Variants in CHORDC1 observed in about 807,000 individuals in gnomAD.
CHORDC1 encodes the protein cysteine and histidine-rich domain-containing protein 1.
In CHORDC1, 25 loss-of-function variants were observed where a neutral mutation model predicts 48.3. That is an observed-to-expected ratio of 0.52 (90% CI 0.38 to 0.72). CHORDC1 has a LOEUF of 0.72. Ranked by LOEUF, CHORDC1 falls within the 30% of genes least tolerant of loss-of-function variation. CHORDC1 has a pLI of 0.00. For missense variants in CHORDC1, 317 were observed against 388.7 expected, an observed-to-expected ratio of 0.82 and a Z score of 1.55; for synonymous variants, 128 against 126.4, an observed-to-expected ratio of 1.01 and a Z score of -0.09.
Position 90,206,674 on chromosome 11 carries a change from C to G in CHORDC1, c.493-402G>C, listed in dbSNP as rs192081068. 2.5e-4 allele frequency: 165 copies of G among 648,628 alleles called. No individual in the cohort carries two copies. In the African/African-American group the frequency reaches 2.9e-3, roughly 11 times the overall value. The allele number at this position is 648,628 out of a possible 1,614,324, so 40.2% of individuals were successfully genotyped here. A position where few individuals can be genotyped will look rare whatever the true frequency, so the allele number is the denominator to read the frequency against. ...AGTATTGTCAAATAATATGAGAAAT[C>G]TAATAAGCAATTCTGGAAGTTCTAG... On this transcript the variant is annotated intron_variant, in intron 6 of 10. Coordinates refer to ENST00000320585, the MANE Select transcript of CHORDC1 (RefSeq NM_012124.3).
chr11:90,202,078 G>T lies in CHORDC1; in HGVS notation c.*327C>A. 5.3e-6 allele frequency: 1 copy of T among 189,072 alleles called. No homozygotes were observed. Among genetic ancestry groups the T allele is most frequent in the Non-Finnish European group, 1.1e-5 (1 of 92,952 alleles). 11.7% of individuals were successfully genotyped at this position (189,072 alleles called of 1,614,324 possible). A position where few individuals can be genotyped will look rare whatever the true frequency, so the allele number is the denominator to read the frequency against. ...AATAATACAAAAACATAAAAAAAAT[G>T]TTCCTTAATATTTCTTTGCTTAACA... On this transcript the variant is annotated 3_prime_UTR_variant, in exon 11 of 11. Coordinates refer to ENST00000320585, the MANE Select transcript of CHORDC1 (RefSeq NM_012124.3).
chr11:90,214,562 G>T (rs1857962175), intron 3 of CHORDC1, among the ~76,000 whole-genome samples: 1 of 151,822 alleles, frequency 6.6e-6, no homozygotes. Context: ...ATGACCTTAA[G>T]CAAGATAATC....
chr11:90,218,125 T>C lies in CHORDC1; in HGVS notation c.114+10A>G. Reference sequence around the variant, plus strand: ...CACAGATATGAAAAAAATGAAAATATAGTTCCTACCTTTAATGCATCGTGA... The same window carrying C: ...CACAGATATGAAAAAAATGAAAATACAGTTCCTACCTTTAATGCATCGTGA... On this transcript the variant is annotated intron_variant, in intron 2 of 10. Transcript: ENST00000320585. 6.4e-7 allele frequency: 1 copy of C among 1,555,438 alleles called. No individual in the cohort carries two copies. Among genetic ancestry groups the C allele is most frequent in the Non-Finnish European group, 8.7e-7 (1 of 1,152,140 alleles).
At chr11:90,204,763 A>C (rs1857629530) in intron 8 of CHORDC1, among the ~76,000 whole-genome samples, 1 of 152,080 alleles carries the variant, frequency 6.6e-6, no homozygotes, top group South Asian at 2.1e-4. Context: ...AAATATTGAA[A>C]TCTCTAAATT....
intron 1 of CHORDC1, among the ~76,000 whole-genome samples, chr11:90,220,364 T>A (rs1192965114): frequency 6.6e-6 from 1 of 152,178 alleles, no homozygotes; most frequent in Non-Finnish European, 1.5e-5. Flanking sequence ...ATCAGAAAGA[T>A]GTTATTAATT....
chr11:90,217,133 C>A (rs1297754029), intron 2 of CHORDC1, among the ~76,000 whole-genome samples: 1 of 152,188 alleles, frequency 6.6e-6, no homozygotes, highest in Non-Finnish European at 1.5e-5. Context: ...GTTTTCCTCA[C>A]TCAGAACTAA....
At position 90,208,233 on chromosome 11, in the gene CHORDC1, G is replaced by C. The variant is rs914876224; in HGVS notation, c.493-1961C>G. On this transcript the variant is annotated intron_variant, in intron 6 of 10. Coordinates refer to ENST00000320585, the MANE Select transcript of CHORDC1 (RefSeq NM_012124.3). ...GATCACCTGAGGTTCAGGAGTTTGA[G>C]ACCAGCCTGGCCAACATGGTGAAAC... 2 of 152,174 alleles carry C rather than the reference G, an allele frequency of 1.3e-5. 1 individual carries two copies. Among genetic ancestry groups the C allele is most frequent in the South Asian group, 4.1e-4 (2 of 4,824 alleles). 9.4% of individuals were successfully genotyped at this position (152,174 alleles called of 1,614,324 possible).
At position 90,210,512 on chromosome 11, in the gene CHORDC1, CATCACAA is replaced by C. The variant is rs770695352; in HGVS notation, c.492+17_492+23del. 6.7e-7 allele frequency: 1 copy of C among 1,486,836 alleles called. No homozygotes were observed. Among genetic ancestry groups the C allele is most frequent in the Admixed American group, 1.9e-5 (1 of 53,242 alleles). The allele number at this position is 1,486,836 out of a possible 1,614,324, so 92.1% of individuals were successfully genotyped here. On this transcript the variant is annotated intron_variant, in intron 6 of 10. Coordinates refer to ENST00000320585, the MANE Select transcript of CHORDC1 (RefSeq NM_012124.3). ...AAAATTAAAATTTTACTTCATAACACATCACAAATCTTGTGATATATACCTTTGAACA... is the reference window on the plus strand; with the variant it reads ...AAAATTAAAATTTTACTTCATAACACATCTTGTGATATATACCTTTGAACA...
rs751038194 is a variant in CHORDC1, at chr11:90,210,551, A to G, written c.477T>C (p.Asn159=). The change falls in exon 6 of 11, where the codon AAT becomes AAC. Residue 159 remains asparagine, a synonymous_variant. Coordinates refer to ENST00000320585, the MANE Select transcript of CHORDC1 (RefSeq NM_012124.3). ...TGATATATACCTTTGAACACCCTCC[A>G]TTCTTACATGAGGTCCCAATCTTAA... ...DEIKIGTSCK[N]GGCSKTYQGL... is the part of the protein sequence containing the mutation. 14 of 1,591,112 alleles carry G rather than the reference A, an allele frequency of 8.8e-6. No individual in the cohort carries two copies. The highest frequency in any genetic ancestry group is 1.2e-5 in the Non-Finnish European group (14 of 1,161,340).
At chr11:90,211,166 C>T in intron 5 of CHORDC1, 49 bp downstream of exon 5, 1 of 1,284,200 alleles carries the variant, frequency 7.8e-7, no homozygotes, top group South Asian at 1.2e-5. Flanking sequence ...TGGATAACTG[C>T]TTAACTGTAC....
chr11:90,219,711 T>C (rs563046000), intron 1 of CHORDC1, among the ~76,000 whole-genome samples: 18 of 152,352 alleles, frequency 1.2e-4, no homozygotes, highest in Admixed American at 9.8e-4. Flanking sequence ...TTGGAGGCTC[T>C]CAGCTCTAAG....
intron 8 of CHORDC1, among the ~76,000 whole-genome samples, chr11:90,204,440 G>T (rs574188337): frequency 6.6e-6 from 1 of 152,230 alleles, no homozygotes; most frequent in Non-Finnish European, 1.5e-5. Context: ...AGCAACTAGG[G>T]CCAGGCGCGG....
chr11:90,219,453 C>G (rs890490922), intron 1 of CHORDC1, among the ~76,000 whole-genome samples: 7 of 152,156 alleles, frequency 4.6e-5, no homozygotes, highest in African/African-American at 1.7e-4. Flanking sequence ...AACTGGCCAT[C>G]AACAAAATCT....
chr11:90,213,480 G>T, intron 4 of CHORDC1: 1 of 665,814 alleles, frequency 1.5e-6, no homozygotes, highest in Admixed American at 2.4e-5. Context: ...GTTATCAGAA[G>T]GCAAGTATGA....
In CHORDC1 at chr11:90,214,149, A is replaced by G; in HGVS notation, c.198T>C (p.Ser66=). Residue 66 remains serine (S), a synonymous_variant, in exon 4 of 11, where the codon AGT becomes AGC. Transcript: ENST00000320585. ...IVGCTKGRHN[S]EKPPEPVKPE... is the part of the protein sequence containing the mutation. ...GTTTGACTGGCTCAGGTGGCTTCTC[A>G]CTATTATGTCTACCTTTTGTACAGC... The G allele has an allele frequency of 1.9e-6, 3 of 1,612,624 alleles. No homozygotes were observed. Among genetic ancestry groups the G allele is most frequent in the Non-Finnish European group, 2.5e-6 (3 of 1,179,052 alleles).
chr11:90,208,719 A>G (rs562290301), intron 6 of CHORDC1: 1 of 152,336 alleles, frequency 6.6e-6, no homozygotes, highest in South Asian at 2.1e-4. Context: ...GAGAAAACAC[A>G]TAAGGAGTGC....
chr11:90,210,566 C>T lies in CHORDC1; in HGVS notation c.462G>A (p.Gly154=), dbSNP rs756668247. Residue 154 remains glycine, a synonymous_variant, in exon 6 of 11, where the codon GGG becomes GGA. Coordinates refer to ENST00000320585, the MANE Select transcript of CHORDC1 (RefSeq NM_012124.3). ...KEEDNDEIKI[G]TSCKNGGCSK... The stretch of plus-strand genomic sequence containing the variant: ...AACACCCTCCATTCTTACATGAGGT[C>T]CCAATCTTAATTTCATCATTGTCTT... The T allele has an allele frequency of 1.3e-6, 2 of 1,592,566 alleles. No homozygotes were observed.
chr11:90,214,051 G>A lies in CHORDC1; in HGVS notation c.296C>T (p.Ala99Val), dbSNP rs769754575. ...KPKFQEHIIQ[A>V]PKPVEAIKRP... ...TTTTATTGCTTCTACTGGCTTAGGG[G>A]CTTGAATGATGTGTTCCTGAAATTT... The change falls in exon 4 of 11, where the codon GCC becomes GTC. Residue 99 changes from alanine (A) to valine (V), a missense_variant. By Grantham distance (64) the Ala-to-Val change is moderately conservative. Coordinates refer to ENST00000320585, the MANE Select transcript of CHORDC1 (RefSeq NM_012124.3). The A allele has an allele frequency of 6.2e-7, 1 of 1,613,112 alleles. No homozygotes were observed. Among genetic ancestry groups the A allele is most frequent in the South Asian group, 1.1e-5 (1 of 90,996 alleles).
intron 6 of CHORDC1, chr11:90,207,470 AATG>A (rs548475055): frequency 1.3e-3 from 201 of 152,296 alleles, no homozygotes; most frequent in African/African-American, 4.6e-3. Context: ...TCATAAACAA[AATG>A]ATGGACAAAT....
Sources: gnomAD v4.1 joint callset for allele counts (sites outside exome capture counted in the v4.1 genomes callset) on GRCh38, gnomAD v4.1.1 for gene constraint, MANE v1.5 for transcripts, NCBI Gene and HGNC (gene_info 2026-07-23, HGNC 2026-07-21) for gene names.